Variants in COMMD10 observed in about 807,000 individuals in gnomAD.
COMMD10 encodes COMM domain containing 10, also known as COMM domain-containing protein 10.
Under a neutral mutation model 28.9 loss-of-function variants are expected in COMMD10, and 33 were observed. The observed-to-expected ratio is 1.14, with a 90% CI of 0.87 to 1.53. COMMD10 has a LOEUF of 1.53. Ranked by LOEUF, COMMD10 falls within the 40% of genes most tolerant of loss-of-function variation. COMMD10 has a pLI of 0.00. For synonymous variants in COMMD10, 110 were observed against 81.7 expected (o/e 1.35, Z -1.87); for missense variants, 310 against 233.4 (o/e 1.33, Z -2.14).
At chr5:116,167,576 TGTTAA>T (rs1218210376) in intron 5 of COMMD10, among the ~76,000 whole-genome samples, 1 of 151,672 alleles carries the variant, frequency 6.6e-6, no homozygotes, top group Non-Finnish European at 1.5e-5. Flanking sequence ...ACGGAAAAAA[TGTTAA>T]GGGCAGCCAG....
chr5:116,265,911 T>C (rs1353736128), intron 5 of COMMD10, among the ~76,000 whole-genome samples: 1 of 151,798 alleles, frequency 6.6e-6, no homozygotes, highest in Non-Finnish European at 1.5e-5. Flanking sequence ...CCTTTCATCC[T>C]ACTAGAAAAG....
At chr5:116,088,039 T>C (rs939501861) in intron 2 of COMMD10, among the ~76,000 whole-genome samples, 3 of 152,222 alleles carry the variant, frequency 2.0e-5, no homozygotes, top group Non-Finnish European at 4.4e-5. Context: ...TGTTTCTCTT[T>C]CACTTTTATT....
At chr5:116,201,994 G>T (rs1019576468) in intron 5 of COMMD10, among the ~76,000 whole-genome samples, 3 of 150,714 alleles carry the variant, frequency 2.0e-5, no homozygotes, top group African/African-American at 7.3e-5. Flanking sequence ...CCATTAACTC[G>T]TCATCTAGCA....
intron 5 of COMMD10, among the ~76,000 whole-genome samples, chr5:116,190,047 A>C (rs1435040194): frequency 1.3e-5 from 2 of 152,152 alleles, no homozygotes; most frequent in African/African-American, 4.8e-5. Context: ...AGCACGCTTT[A>C]TCTCCTTCAA....
At chr5:116,103,437 T>C (rs988896981) in intron 4 of COMMD10, among the ~76,000 whole-genome samples, 13 of 152,248 alleles carry the variant, frequency 8.5e-5, no homozygotes, top group Admixed American at 6.5e-5. Context: ...GAGCTTTTTT[T>C]CATGTGTTTT....
chr5:116,284,146 A>G (rs1218582477), intron 5 of COMMD10, among the ~76,000 whole-genome samples: 2 of 151,674 alleles, frequency 1.3e-5, no homozygotes, highest in Non-Finnish European at 2.9e-5. Context: ...ATAAACAAAC[A>G]AAAAAGAATG....
At chr5:116,237,243 A>G (rs1399325869) in intron 5 of COMMD10, among the ~76,000 whole-genome samples, 1 of 152,138 alleles carries the variant, frequency 6.6e-6, no homozygotes, top group Non-Finnish European at 1.5e-5. Context: ...GGGAAATAAG[A>G]TCAGAGAGGT....
intron 5 of COMMD10, among the ~76,000 whole-genome samples, chr5:116,175,662 A>T (rs2112588263): frequency 6.6e-6 from 1 of 152,272 alleles, no homozygotes; most frequent in Admixed American, 6.5e-5. Context: ...AAAATATGGT[A>T]TATATATGCA....
At chr5:116,257,260 T>C (rs951831884) in intron 5 of COMMD10, among the ~76,000 whole-genome samples, 3 of 151,624 alleles carry the variant, frequency 2.0e-5, no homozygotes, top group African/African-American at 7.3e-5. Flanking sequence ...CTTTCAGATG[T>C]TGGAGCATTT....
At position 116,122,593 on chromosome 5, in the gene COMMD10, T is replaced by C. The variant is rs369430149; in HGVS notation, c.400-11475T>C. Among the ~76,000 whole-genome samples the C allele has an allele frequency of 8.3e-4, 126 of 152,326 alleles. No homozygotes were observed. The East Asian group carries it at 0.016, about 19-fold the overall frequency. On this transcript the variant is annotated intron_variant, in intron 4 of 6. Transcript: ENST00000274458. ...GGGCAGTATGGCCATTTTCATGATA[T>C]TGATTTTTCCTATCCATGAGCATGG... is the stretch of plus-strand genomic sequence containing the variant.
intron 5 of COMMD10, among the ~76,000 whole-genome samples, chr5:116,281,649 T>A (rs1389508568): frequency 6.6e-6 from 1 of 151,802 alleles, no homozygotes; most frequent in Non-Finnish European, 1.5e-5. Context: ...TATATTTAGT[T>A]AACAATATTA....
At chr5:116,239,196 T>C (rs1411295555) in intron 5 of COMMD10, among the ~76,000 whole-genome samples, 4 of 152,164 alleles carry the variant, frequency 2.6e-5, no homozygotes, top group African/African-American at 7.2e-5. Context: ...ACAAGAATCT[T>C]AGTGGATTTT....
At chr5:116,201,724 T>A (rs1267197700) in intron 5 of COMMD10, among the ~76,000 whole-genome samples, 2 of 152,164 alleles carry the variant, frequency 1.3e-5, no homozygotes, top group Non-Finnish European at 2.9e-5. Context: ...TGACATGGAC[T>A]GCACTGCAGC....
intron 5 of COMMD10, among the ~76,000 whole-genome samples, chr5:116,210,843 C>A (rs958661528): frequency 2.6e-5 from 4 of 152,018 alleles, no homozygotes; most frequent in Admixed American, 2.6e-4. Flanking sequence ...TTTTCTCTCA[C>A]ATGGTACATT....
intron 4 of COMMD10, among the ~76,000 whole-genome samples, chr5:116,102,187 C>G (rs1011389345): frequency 6.6e-6 from 1 of 152,150 alleles, no homozygotes; most frequent in Non-Finnish European, 1.5e-5. Context: ...TTTTAAATTT[C>G]AAGTATTCCA....
intron 5 of COMMD10, among the ~76,000 whole-genome samples, chr5:116,158,953 C>CT (rs1363126864): frequency 1.3e-5 from 2 of 151,544 alleles, no homozygotes; most frequent in Non-Finnish European, 2.9e-5. Context: ...GTCACAGGGA[C>CT]TAGAGGGTCT....
intron 5 of COMMD10, among the ~76,000 whole-genome samples, chr5:116,215,957 T>C (rs759513032): frequency 2.8e-4 from 43 of 151,960 alleles, no homozygotes; most frequent in Non-Finnish European, 4.7e-4. Context: ...CTTCTTAATA[T>C]AGAGGTCAAA....
chr5:116,239,448 G>C (rs997899638), intron 5 of COMMD10, among the ~76,000 whole-genome samples: 3 of 152,098 alleles, frequency 2.0e-5, no homozygotes, highest in African/African-American at 4.8e-5. Context: ...CTCGTATCAT[G>C]ATTCTGGAGC....
intron 3 of COMMD10, 104 bp downstream of exon 3, chr5:116,091,293 A>C: frequency 1.9e-6 from 1 of 525,388 alleles, no homozygotes; most frequent in East Asian, 3.2e-5. Context: ...AAAGTATGCA[A>C]GATGGAAGCT....
Sources: allele counts gnomAD v4.1 joint callset (sites outside exome capture counted in the v4.1 genomes callset), GRCh38; gene constraint gnomAD v4.1.1; transcripts MANE v1.5; gene names NCBI Gene and HGNC (gene_info 2026-07-23, HGNC 2026-07-21).